ZSWIM9: variants seen among roughly 807,000 people sequenced by gnomAD.
ZSWIM9 encodes zinc finger SWIM-type containing 9.
ZSWIM9 carries 11 observed loss-of-function variants against 25.0 expected under a neutral mutation model. That is an observed-to-expected ratio of 0.44 (90% CI 0.28 to 0.73). The LOEUF is 0.73. ZSWIM9 is among the 30% of genes least tolerant of loss of function. The pLI, the probability that ZSWIM9 is intolerant of heterozygous loss-of-function variation, is 0.16. For missense variants in ZSWIM9, 1,070 were observed against 1,296.5 expected, an observed-to-expected ratio of 0.83 and a Z score of 2.68; for synonymous variants, 562 against 582.1, an observed-to-expected ratio of 0.97 and a Z score of 0.50.
intron 3 of ZSWIM9, among the ~76,000 whole-genome samples, chr19:48,187,965 T>C (rs186126788): frequency 0.011 from 1,602 of 150,812 alleles, 33 homozygotes; most frequent in African/African-American, 0.037. Context: ...GATAGATAGA[T>C]AGATAGATAG....
intron 2 of ZSWIM9, among the ~76,000 whole-genome samples, chr19:48,178,645 C>A (rs1162635820): frequency 6.6e-6 from 1 of 151,898 alleles, no homozygotes; most frequent in Admixed American, 6.6e-5. Flanking sequence ...GGCGCGATCT[C>A]GGCTCACTGC....
At chr19:48,178,935 C>T (rs530025401) in intron 2 of ZSWIM9, among the ~76,000 whole-genome samples, 117 of 152,216 alleles carry the variant, frequency 7.7e-4, no homozygotes, top group African/African-American at 2.7e-3. Flanking sequence ...CATTTACATA[C>T]GTCTATGGCT....
intron 2 of ZSWIM9, among the ~76,000 whole-genome samples, chr19:48,172,497 T>C (rs2123169605): frequency 6.6e-6 from 1 of 152,154 alleles, no homozygotes; most frequent in African/African-American, 2.4e-5. Flanking sequence ...TTTTTGTTTT[T>C]GTTTTTGTTT....
Position 48,194,581 on chromosome 19 carries a change from G to C in ZSWIM9, c.589-72G>C. 1 of 1,336,692 alleles carries C rather than the reference G, an allele frequency of 7.5e-7. No individual in the cohort carries two copies. Among genetic ancestry groups the C allele is most frequent in the Non-Finnish European group, 9.6e-7 (1 of 1,040,734 alleles). The allele number at this position is 1,336,692 out of a possible 1,614,324, so 82.8% of individuals were successfully genotyped here. A position where few individuals can be genotyped will look rare whatever the true frequency, so the allele number is the denominator to read the frequency against. ...CCATTTCCGTAGAAGGGGAAACCGA[G>C]GTCGGGGAGCTGGGCGGGGAGACCC... On this transcript the variant is annotated intron_variant, in intron 3 of 3. Transcript: ENST00000614654. This position sits in a 1 kb window ranked among gnomAD's most constrained non-coding sequence, Gnocchi z 6.0.
rs2037159710 is a variant in ZSWIM9, at chr19:48,195,999, G to C, written c.1935G>C (p.Trp645Cys). 7.8e-7 allele frequency: 1 copy of C among 1,284,862 alleles called. No homozygotes were observed. The highest frequency in any genetic ancestry group is 1.5e-5 in the African/African-American group (1 of 64,884). The allele number at this position is 1,284,862 out of a possible 1,614,324, so 79.6% of individuals were successfully genotyped here. The change falls in exon 4 of 4, where the codon TGG becomes TGC. Residue 645 changes from tryptophan to cysteine, a missense_variant. Trp to Cys is a radical substitution (Grantham distance 215). Around this residue, in one of 4 missense-constraint regions of ZSWIM9, gnomAD observed 583 missense variants for 624.7 expected, o/e 0.93. Transcript: ENST00000614654. This position sits in a 1 kb window ranked among gnomAD's most constrained non-coding sequence, Gnocchi z 5.8. ...CAGGGGGACTGAGAACTGCAGAATG[G>C]AAGGGGCCACAGTCAGAAGTAGAGA... Reference protein sequence around the residue: ...ERAGGLRTAEWKGPQSEVEKG... With the variant: ...ERAGGLRTAECKGPQSEVEKG...
At chr19:48,175,581 T>C (rs1463362439) in intron 2 of ZSWIM9, among the ~76,000 whole-genome samples, 4 of 151,294 alleles carry the variant, frequency 2.6e-5, no homozygotes, top group Non-Finnish European at 5.9e-5. Context: ...TAGAAGGCTG[T>C]GAGTAGGGTC....
At chr19:48,173,837 A>G (rs867056977) in intron 2 of ZSWIM9, among the ~76,000 whole-genome samples, 75 of 152,224 alleles carry the variant, frequency 4.9e-4, no homozygotes, top group African/African-American at 1.7e-3. Context: ...CATGTTGGCC[A>G]GGCTGGTCTT....
chr19:48,196,133 GGAGGAGAGGGCCAGAGATTGCA>G lies in ZSWIM9; in HGVS notation c.2080_2101del (p.Pro694GlufsTer15). The G allele has an allele frequency of 8.1e-7, 1 of 1,241,158 alleles. No individual in the cohort carries two copies. The highest frequency in any genetic ancestry group is 1.0e-6 in the Non-Finnish European group (1 of 994,104). The allele number at this position is 1,241,158 out of a possible 1,614,324, so 76.9% of individuals were successfully genotyped here. A position where few individuals can be genotyped will look rare whatever the true frequency, so the allele number is the denominator to read the frequency against. On this transcript the variant is annotated frameshift_variant, in exon 4 of 4. Transcript: ENST00000614654. LOFTEE classifies it low-confidence loss of function (END_TRUNC). ...AGGGGACCCCAGTGGGAAGATGAGA[GGAGGAGAGGGCCAGAGATTGCA>G]GAGGAGAGGGGAGCGAGGGTGGGGG...
In ZSWIM9 at chr19:48,195,404, C is replaced by T. The variant is rs752373078; in HGVS notation, c.1340C>T (p.Pro447Leu). The change falls in exon 4 of 4, where the codon CCC (proline) becomes CTC (leucine). Residue 447 changes from proline to leucine, a missense_variant. This residue lies in a region of ZSWIM9 where 583 missense variants were observed against 624.7 expected (regional missense o/e 0.93). Coordinates refer to ENST00000614654, the MANE Select transcript of ZSWIM9 (RefSeq NM_199341.4). This position sits in a 1 kb window ranked among gnomAD's most constrained non-coding sequence, Gnocchi z 5.8. ...DAAGEAVPEG[P>L]DGGGPWLEDE... The stretch of plus-strand genomic sequence containing the variant: ...GCCGGGGAGGCGGTGCCCGAGGGGC[C>T]CGATGGCGGGGGGCCTTGGCTGGAG... 1,228 of 1,468,312 alleles carry T rather than the reference C, an allele frequency of 8.4e-4. 14 individuals are homozygous for T. Among genetic ancestry groups the T allele is most frequent in the Middle Eastern group, 1.2e-3 (6 of 4,988 alleles). The allele number at this position is 1,468,312 out of a possible 1,614,324, so 91.0% of individuals were successfully genotyped here.
At chr19:48,176,782 A>G (rs1357497643) in intron 2 of ZSWIM9, among the ~76,000 whole-genome samples, 1 of 151,954 alleles carries the variant, frequency 6.6e-6, no homozygotes, top group South Asian at 2.1e-4. Context: ...TAAAAATCCC[A>G]GCCGGGTGCG....
intron 3 of ZSWIM9, among the ~76,000 whole-genome samples, chr19:48,187,504 TA>T (rs2037035278): frequency 1.1e-5 from 1 of 89,812 alleles, no homozygotes; most frequent in Non-Finnish European, 2.0e-5. Context: ...TAATATATTA[TA>T]TTATATTATA....
At chr19:48,176,403 C>T (rs926836920) in intron 2 of ZSWIM9, among the ~76,000 whole-genome samples, 10 of 152,164 alleles carry the variant, frequency 6.6e-5, no homozygotes, top group African/African-American at 2.4e-4. Context: ...CTATTGGCCC[C>T]ACTTTCCAGG....
At position 48,195,500 on chromosome 19, in the gene ZSWIM9, G is replaced by A. The variant is rs1019269553; in HGVS notation, c.1436G>A (p.Gly479Glu). 1 of 1,413,974 alleles carries A rather than the reference G, an allele frequency of 7.1e-7. No homozygotes were observed. Among genetic ancestry groups the A allele is most frequent in the Non-Finnish European group, 9.2e-7 (1 of 1,091,084 alleles). The allele number at this position is 1,413,974 out of a possible 1,614,324, so 87.6% of individuals were successfully genotyped here. The change falls in exon 4 of 4, where the codon GGG (glycine) becomes GAG (glutamate). Residue 479 changes from glycine (G) to glutamate (E), a missense_variant. Gly to Glu is a moderately conservative substitution (Grantham distance 98). Around this residue, in one of 4 missense-constraint regions of ZSWIM9, gnomAD observed 583 missense variants for 624.7 expected, o/e 0.93. Transcript: ENST00000614654. The surrounding 1 kb of genome is among the most constrained non-coding windows in gnomAD (Gnocchi z 5.8). ...VRGLETGDWG[G>E]APKEGSIWRG... Reference sequence around the variant, plus strand: ...GGCCTGGAGACAGGCGACTGGGGAGGGGCTCCGAAAGAAGGAAGTATTTGG... The same window carrying A: ...GGCCTGGAGACAGGCGACTGGGGAGAGGCTCCGAAAGAAGGAAGTATTTGG...
intron 3 of ZSWIM9, among the ~76,000 whole-genome samples, chr19:48,183,557 G>T (rs566285276): frequency 6.6e-5 from 10 of 151,958 alleles, no homozygotes; most frequent in African/African-American, 2.4e-4. Flanking sequence ...GTCCAAATAT[G>T]ATGTAACATC....
Position 48,197,220 on chromosome 19 carries a change from C to CG in ZSWIM9, c.*397dup, listed in dbSNP as rs1377634409. On this transcript the variant is annotated 3_prime_UTR_variant, in exon 4 of 4. Transcript: ENST00000614654. ...AGACTGGCCAGTCTAGGGAGTGCAG[C>CG]GGGGAGAGGGGAAAGGGAGAAAGTA... 3 of 694,358 alleles carry CG rather than the reference C, an allele frequency of 4.3e-6. No individual in the cohort carries two copies. The highest frequency in any genetic ancestry group is 5.4e-5 in the East Asian group (2 of 36,990). 43.0% of individuals were successfully genotyped at this position (694,358 alleles called of 1,614,324 possible).
chr19:48,186,222 CTT>C (rs138792059), intron 3 of ZSWIM9, among the ~76,000 whole-genome samples: 9,693 of 152,074 alleles, frequency 0.064, 423 homozygotes, highest in Middle Eastern at 0.12. Context: ...TAATTTTTAA[CTT>C]TATTTCCTCT....
rs2037174367 is a variant in ZSWIM9 at position 48,196,922 on chromosome 19, C to G, written c.*95C>G. 5 of 1,210,072 alleles carry G rather than the reference C, an allele frequency of 4.1e-6. No homozygotes were observed. The highest frequency in any genetic ancestry group is 5.2e-6 in the Non-Finnish European group (5 of 955,254). 75.0% of individuals were successfully genotyped at this position (1,210,072 alleles called of 1,614,324 possible). Reference sequence around the variant, plus strand: ...AGGGCTGAGGCCAAGGAGACCGTTGCAGTCCCCCTGGCCACCTTCTGGGTC... The same window carrying G: ...AGGGCTGAGGCCAAGGAGACCGTTGGAGTCCCCCTGGCCACCTTCTGGGTC... On this transcript the variant is annotated 3_prime_UTR_variant, in exon 4 of 4. Transcript: ENST00000614654.
At chr19:48,185,318 A>G (rs749803992) in intron 3 of ZSWIM9, among the ~76,000 whole-genome samples, 1 of 151,932 alleles carries the variant, frequency 6.6e-6, no homozygotes, top group Non-Finnish European at 1.5e-5. Context: ...TGTTTTTAGA[A>G]GAGACGGGGT....
At position 48,194,837 on chromosome 19, in the gene ZSWIM9, C is replaced by T. The variant is rs2037137629; in HGVS notation, c.773C>T (p.Ala258Val). 2.1e-6 allele frequency: 3 copies of T among 1,404,884 alleles called. No homozygotes were observed. The highest frequency in any genetic ancestry group is 3.0e-5 in the South Asian group (2 of 66,550). The allele number at this position is 1,404,884 out of a possible 1,614,324, so 87.0% of individuals were successfully genotyped here. A position where few individuals can be genotyped will look rare whatever the true frequency, so the allele number is the denominator to read the frequency against. Residue 258 changes from alanine (A) to valine (V), a missense_variant, in exon 4 of 4, where the codon GCT becomes GTT. This residue lies in a region of ZSWIM9 where 38 missense variants were observed against 89.7 expected (regional missense o/e 0.42). Coordinates refer to ENST00000614654, the MANE Select transcript of ZSWIM9 (RefSeq NM_199341.4). This position sits in a 1 kb window ranked among gnomAD's most constrained non-coding sequence, Gnocchi z 6.0. ...CVDGSGRARQ[A>V]ACCVARPGTP... ...GACGGCTCGGGCCGTGCGCGCCAGG[C>T]TGCCTGCTGCGTGGCGCGCCCGGGC...
Sources: gnomAD v4.1 joint callset for allele counts (sites outside exome capture counted in the v4.1 genomes callset) on GRCh38, gnomAD v4.1.1 for gene constraint, gnomAD v4.1.1 regional missense constraint, Gnocchi (gnomAD v3.1) non-coding constraint, MANE v1.5 for transcripts, NCBI Gene and HGNC (gene_info 2026-07-23, HGNC 2026-07-21) for gene names.